SPIDR: variants seen among roughly 807,000 people sequenced by gnomAD.
The protein encoded by SPIDR is scaffold protein involved in DNA repair, also known as DNA repair-scaffolding protein.
Under a neutral mutation model 104.6 loss-of-function variants are expected in SPIDR, and 93 were observed. The ratio of observed to expected loss-of-function variants is 0.89; its 90% CI spans 0.75 to 1.06. The LOEUF (loss-of-function observed/expected upper bound fraction) is 1.06. Ranked by LOEUF, SPIDR falls within the 50% of genes least tolerant of loss-of-function variation. SPIDR has a pLI of 0.00. For missense variants in SPIDR, 1,154 were observed against 1,111.2 expected, an observed-to-expected ratio of 1.04 and a Z score of -0.55; for synonymous variants, 431 against 416.9, an observed-to-expected ratio of 1.03 and a Z score of -0.41.
chr8:47,530,943 G>A (rs1383299203), intron 8 of SPIDR, among the ~76,000 whole-genome samples: 4 of 150,004 alleles, frequency 2.7e-5, no homozygotes, highest in Non-Finnish European at 1.5e-5. Flanking sequence ...AGGCAAGGTT[G>A]TGCATCCCCC....
Position 47,631,157 on chromosome 8 carries a change from T to G in SPIDR, c.1544+31961T>G, listed in dbSNP as rs1288151788. Among the ~76,000 whole-genome samples the G allele has an allele frequency of 2.0e-5, 3 of 152,250 alleles. No individual in the cohort carries two copies. The East Asian group carries it at 5.8e-4, about 29-fold the overall frequency. On this transcript the variant is annotated intron_variant, in intron 10 of 19. Coordinates refer to ENST00000297423, the MANE Select transcript of SPIDR (RefSeq NM_001080394.4). ...TGGTAGAGGCAGAAAATAAGCCCTT[T>G]CTCTTTCCAAGTCTCTGCCCTGCCT... is the stretch of plus-strand genomic sequence containing the variant.
At chr8:47,356,281 A>G (rs1399134758) in intron 5 of SPIDR, among the ~76,000 whole-genome samples, 2 of 152,196 alleles carry the variant, frequency 1.3e-5, no homozygotes, top group African/African-American at 4.8e-5. Flanking sequence ...TACTTTTATG[A>G]AACAGTTTTA....
At chr8:47,548,673 T>G (rs1396400060) in intron 8 of SPIDR, among the ~76,000 whole-genome samples, 4 of 152,110 alleles carry the variant, frequency 2.6e-5, no homozygotes, top group Non-Finnish European at 5.9e-5. Context: ...AGGGAAAAAG[T>G]AAGAATGATG....
Position 47,302,388 on chromosome 8 carries a change from G to A in SPIDR, c.525+8358G>A, listed in dbSNP as rs1027567757. Among the ~76,000 whole-genome samples, 31 of 152,148 alleles carry A rather than the reference G, an allele frequency of 2.0e-4. 2 individuals are homozygous for A. In the South Asian group the frequency reaches 5.6e-3, roughly 28 times the overall value. On this transcript the variant is annotated intron_variant, in intron 5 of 19. Transcript: ENST00000297423. ...TTTTTAACTTCTTTGCCATGGGTTC[G>A]AAGTTCCTCCTTTAGCTCGGAGTAG... is the stretch of plus-strand genomic sequence containing the variant.
chr8:47,515,847 G>A (rs1018272211), intron 8 of SPIDR, among the ~76,000 whole-genome samples: 3 of 152,156 alleles, frequency 2.0e-5, no homozygotes, highest in African/African-American at 7.2e-5. Context: ...GTCTCGCTCT[G>A]TCACCCAGGC....
intron 5 of SPIDR, among the ~76,000 whole-genome samples, chr8:47,394,266 T>C (rs2060988720): frequency 6.6e-6 from 1 of 152,120 alleles, no homozygotes. Flanking sequence ...GCCCTTCTTA[T>C]GTGTTCTCCT....
intron 14 of SPIDR, among the ~76,000 whole-genome samples, chr8:47,705,189 C>A (rs1425302927): frequency 6.6e-6 from 1 of 152,172 alleles, no homozygotes; most frequent in African/African-American, 2.4e-5. Context: ...AGAGAAAGAC[C>A]AAGAGTGAAG....
intron 5 of SPIDR, among the ~76,000 whole-genome samples, chr8:47,302,608 TAC>T (rs1313959410): frequency 6.6e-6 from 1 of 152,232 alleles, no homozygotes; most frequent in African/African-American, 2.4e-5. Context: ...GATGGTGACG[TAC>T]AGATGGGGTT....
At chr8:47,534,723 C>T (rs1320563011) in intron 8 of SPIDR, among the ~76,000 whole-genome samples, 2 of 151,934 alleles carry the variant, frequency 1.3e-5, no homozygotes, top group African/African-American at 4.8e-5. Context: ...TACAAAAAAC[C>T]CCCATGACCC....
At chr8:47,307,720 G>A (rs2043348427) in intron 5 of SPIDR, among the ~76,000 whole-genome samples, 1 of 151,126 alleles carries the variant, frequency 6.6e-6, no homozygotes. Flanking sequence ...TGTATTTTTA[G>A]TAGAGATGGG....
intron 8 of SPIDR, among the ~76,000 whole-genome samples, chr8:47,581,025 A>C (rs1402162880): frequency 6.6e-6 from 1 of 152,222 alleles, no homozygotes; most frequent in East Asian, 1.9e-4. Flanking sequence ...CATTCATTCC[A>C]AAATCATTGA....
chr8:47,490,745 G>A (rs1586617302), intron 8 of SPIDR, among the ~76,000 whole-genome samples: 1 of 152,142 alleles, frequency 6.6e-6, no homozygotes, highest in Non-Finnish European at 1.5e-5. Flanking sequence ...CTATCGCAAG[G>A]ACAAAAAACC....
chr8:47,364,267 C>T (rs1461346030), intron 5 of SPIDR, among the ~76,000 whole-genome samples: 2 of 152,292 alleles, frequency 1.3e-5, no homozygotes, highest in Non-Finnish European at 2.9e-5. Context: ...GACAGCAAGC[C>T]AGGGTTACTA....
intron 7 of SPIDR, among the ~76,000 whole-genome samples, chr8:47,422,901 A>C (rs2065794274): frequency 6.6e-6 from 1 of 152,178 alleles, no homozygotes; most frequent in Non-Finnish European, 1.5e-5. Flanking sequence ...GTAACTTTTA[A>C]GAATCAATGT....
chr8:47,269,840 T>G (rs34208379), intron 1 of SPIDR, among the ~76,000 whole-genome samples: 72,395 of 152,018 alleles, frequency 0.48, 20,993 homozygotes, highest in African/African-American at 0.83. Flanking sequence ...ACCTTCTATA[T>G]CTAGTTTGTT....
intron 1 of SPIDR, among the ~76,000 whole-genome samples, chr8:47,268,573 T>A (rs1033331466): frequency 6.6e-6 from 1 of 152,202 alleles, no homozygotes; most frequent in Non-Finnish European, 1.5e-5. Context: ...TTTTTGATGC[T>A]ATTTTGAATG....
chr8:47,508,924 G>A (rs1185134929), intron 8 of SPIDR, among the ~76,000 whole-genome samples: 1 of 151,830 alleles, frequency 6.6e-6, no homozygotes, highest in African/African-American at 2.4e-5. Context: ...ATGTATTATG[G>A]AAGTGTCCTT....
chr8:47,406,298 C>T (rs1554667263), intron 6 of SPIDR, among the ~76,000 whole-genome samples: 1 of 152,174 alleles, frequency 6.6e-6, no homozygotes, highest in Non-Finnish European at 1.5e-5. Context: ...GTGCATCCAG[C>T]TACACCACTC....
At chr8:47,271,431 TA>T (rs1397927972) in intron 1 of SPIDR, among the ~76,000 whole-genome samples, 1 of 152,146 alleles carries the variant, frequency 6.6e-6, no homozygotes, top group East Asian at 1.9e-4. Flanking sequence ...TCAGCTTGGA[TA>T]ATCTCATTTG....
Sources: allele counts gnomAD v4.1 joint callset (sites outside exome capture counted in the v4.1 genomes callset), GRCh38; gene constraint gnomAD v4.1.1; transcripts MANE v1.5; gene names NCBI Gene and HGNC (gene_info 2026-07-23, HGNC 2026-07-21).